The following SERHL2 variants were observed in gnomAD, a reference collection of about 807,000 sequenced individuals.
SERHL2 encodes serine hydrolase like 2, also known as serine hydrolase-like protein 2.
SERHL2 carries 29 observed loss-of-function variants against 25.5 expected under a neutral mutation model. That is an observed-to-expected ratio of 1.14 (90% CI 0.85 to 1.55). The LOEUF (loss-of-function observed/expected upper bound fraction) is 1.55, where lower values mean the gene tolerates loss of function less well. Among genes scored for constraint, SERHL2 ranks in the 40% most tolerant of loss-of-function variants. The pLI is 0.00. For missense variants in SERHL2, 240 were observed against 252.3 expected (o/e 0.95, Z 0.33); for synonymous variants, 95 against 103.5 (o/e 0.92, Z 0.50).
chr22:42,573,978 A>G lies in SERHL2; in HGVS notation c.868A>G (p.Met290Val), dbSNP rs1428734398. ...AGTCCCAGGCAATCACTGTGTCCACATGAGCGAACCCCAGCACGTGGCCAG... is the reference window on the plus strand; with the variant it reads ...AGTCCCAGGCAATCACTGTGTCCACGTGAGCGAACCCCAGCACGTGGCCAG... ...VEVPGNHCVH[M>V]SEPQHVASII... Residue 290 changes from methionine (M) to valine (V), a missense_variant, in exon 12 of 12, where the codon ATG (methionine) becomes GTG (valine). Physicochemically the swap from Met to Val is conservative, Grantham distance 21 (BLOSUM62 1). This residue lies in a region of SERHL2 where 212 missense variants were observed against 168.9 expected (regional missense o/e 1.25). Coordinates refer to ENST00000327678, the MANE Select transcript of SERHL2 (RefSeq NM_014509.5). 6.2e-7 allele frequency: 1 copy of G among 1,606,920 alleles called. No individual in the cohort carries two copies. The highest frequency in any genetic ancestry group is 1.7e-5 in the Admixed American group (1 of 59,534).
chr22:42,571,059 T>G (rs1924106201), intron 9 of SERHL2, 62 bp from the exon 10 acceptor site: 3 of 1,609,592 alleles, frequency 1.9e-6, no homozygotes, highest in Non-Finnish European at 2.5e-6. Context: ...AGAGATGGGT[T>G]TCGTGCCCAC....
rs1922157844 is a variant in SERHL2 at position 42,556,443 on chromosome 22, T to C, written c.349-71T>C. ...AAAGATGTTTCGGGGAACTCCAGGG[T>C]CCCCAGGGAAAGGCGGGAGTGTCCT... is the stretch of plus-strand genomic sequence containing the variant. On this transcript the variant is annotated intron_variant, in intron 5 of 11. Coordinates refer to ENST00000327678, the MANE Select transcript of SERHL2 (RefSeq NM_014509.5). 62 of 1,599,962 alleles carry C rather than the reference T, an allele frequency of 3.9e-5. 2 individuals are homozygous for C. Among genetic ancestry groups the C allele is most frequent in the Non-Finnish European group, 5.3e-5 (62 of 1,171,744 alleles).
chr22:42,565,655 A>G (rs1176343855), intron 8 of SERHL2, among the ~76,000 whole-genome samples: 1 of 150,900 alleles, frequency 6.6e-6, no homozygotes, highest in Non-Finnish European at 1.5e-5. Flanking sequence ...TTGTGTAGAG[A>G]TGGGGTCCTG....
At chr22:42,559,931 C>T (rs1265307922) in intron 7 of SERHL2, among the ~76,000 whole-genome samples, 5 of 151,874 alleles carry the variant, frequency 3.3e-5, no homozygotes, top group Non-Finnish European at 7.4e-5. Flanking sequence ...CATGCCTCAG[C>T]TTCCCAAGTA....
At position 42,560,173 on chromosome 22, in the gene SERHL2, T is replaced by C. The variant is rs1200415919; in HGVS notation, c.534-13T>C. On this transcript the variant is annotated splice_polypyrimidine_tract_variant and intron_variant, in intron 7 of 11. Coordinates refer to ENST00000327678, the MANE Select transcript of SERHL2 (RefSeq NM_014509.5). ...GGCCTCCAGGCACCCAGCATCCTTC[T>C]GTCTCCCCCCAGGTTACTGAAGAGC... The C allele has an allele frequency of 6.2e-7, 1 of 1,606,198 alleles. No individual in the cohort carries two copies. Among genetic ancestry groups the C allele is most frequent in the East Asian group, 2.2e-5 (1 of 44,850 alleles).
chr22:42,572,667 C>A, intron 11 of SERHL2, 138 bp downstream of exon 11: 1 of 1,429,076 alleles, frequency 7.0e-7, no homozygotes. Context: ...TCTATCAGGC[C>A]TCATGCTCCA....
chr22:42,565,382 G>C (rs1405124338), intron 8 of SERHL2: 1 of 151,098 alleles, frequency 6.6e-6, no homozygotes, highest in Non-Finnish European at 1.5e-5. Flanking sequence ...CTGGAATGCA[G>C]TGGCTCGATC....
At chr22:42,565,736 C>G (rs894417386) in intron 8 of SERHL2, among the ~76,000 whole-genome samples, 3 of 151,850 alleles carry the variant, frequency 2.0e-5, no homozygotes, top group Non-Finnish European at 2.9e-5. Flanking sequence ...TTACAGGTGC[C>G]TGACCTCCTG....
At chr22:42,556,480 C>G (rs879940881) in intron 5 of SERHL2, 34 bp from the exon 6 acceptor site, 1 of 1,610,974 alleles carries the variant, frequency 6.2e-7, no homozygotes, top group Non-Finnish European at 8.5e-7. Flanking sequence ...TCCTTCTTCC[C>G]CCTATTCATT....
chr22:42,564,821 A>G (rs975117546), intron 8 of SERHL2, among the ~76,000 whole-genome samples: 1 of 151,654 alleles, frequency 6.6e-6, no homozygotes, highest in African/African-American at 2.4e-5. Flanking sequence ...TTTTTGAGAC[A>G]GGGTCTTGCT....
At chr22:42,564,884 G>A (rs903566119) in intron 8 of SERHL2, among the ~76,000 whole-genome samples, 3 of 151,896 alleles carry the variant, frequency 2.0e-5, no homozygotes, top group African/African-American at 4.8e-5. Flanking sequence ...TGCAGCCTCT[G>A]CCTCCTGGGC....
chr22:42,563,190 CT>C (rs754138896), intron 8 of SERHL2, among the ~76,000 whole-genome samples: 351 of 97,860 alleles, frequency 3.6e-3, no homozygotes, highest in Admixed American at 3.9e-3. Flanking sequence ...TTCTTTTTTT[CT>C]TTTTTTTTTT....
At chr22:42,572,854 G>T in intron 11 of SERHL2, 2 of 388,994 alleles carry the variant, frequency 5.1e-6, no homozygotes, top group Non-Finnish European at 7.0e-6. Context: ...ATATTTTTAA[G>T]AGATGGGGTT....
rs958093928 is a variant in SERHL2, at chr22:42,571,454, G to C, written c.731+251G>C. The C allele has an allele frequency of 2.2e-6, 3 of 1,336,816 alleles. 1 individual carries two copies. The highest frequency in any genetic ancestry group is 6.7e-5 in the East Asian group (2 of 30,052). 82.8% of individuals were successfully genotyped at this position (1,336,816 alleles called of 1,614,324 possible). A position where few individuals can be genotyped will look rare whatever the true frequency, so the allele number is the denominator to read the frequency against. On this transcript the variant is annotated intron_variant, in intron 10 of 11. Transcript: ENST00000327678. ...GCCTTTCCACAGGTGTCAGCGGGGG[G>C]CATGCCCAGGTAAGGCTCCATAACC...
At chr22:42,569,345 G>C (rs1487428650) in intron 9 of SERHL2, 1 of 151,476 alleles carries the variant, frequency 6.6e-6, no homozygotes, top group African/African-American at 2.4e-5. Context: ...TGCAACTTCT[G>C]CCTCCCGGGT....
intron 11 of SERHL2, chr22:42,573,396 A>T (rs905567765): frequency 6.6e-6 from 1 of 152,614 alleles, no homozygotes; most frequent in South Asian, 2.1e-4. Context: ...GGCGCCCGCC[A>T]CCACGCCCGG....
At position 42,571,461 on chromosome 22, in the gene SERHL2, C is replaced by G. The variant is rs989494996; in HGVS notation, c.731+258C>G. ...CACAGGTGTCAGCGGGGGGCATGCCCAGGTAAGGCTCCATAACCAGTGAGC... is the reference window on the plus strand; with the variant it reads ...CACAGGTGTCAGCGGGGGGCATGCCGAGGTAAGGCTCCATAACCAGTGAGC... On this transcript the variant is annotated intron_variant, in intron 10 of 11. Transcript: ENST00000327678. The G allele has an allele frequency of 3.8e-6, 5 of 1,328,920 alleles. No homozygotes were observed. In the African/African-American group the frequency reaches 7.4e-5, roughly 20 times the overall value. The allele number at this position is 1,328,920 out of a possible 1,614,324, so 82.3% of individuals were successfully genotyped here.
intron 11 of SERHL2, chr22:42,573,555 C>A (rs1372311558): frequency 9.0e-6 from 2 of 222,924 alleles, no homozygotes; most frequent in Non-Finnish European, 8.9e-6. Flanking sequence ...CCACTGCGCC[C>A]GGCCCTGTCT....
chr22:42,570,004 T>A (rs1275495875), intron 9 of SERHL2: 1 of 152,066 alleles, frequency 6.6e-6, no homozygotes, highest in Non-Finnish European at 1.5e-5. Flanking sequence ...GTACTCCACG[T>A]GCTGAGAACT....
Sources: allele counts gnomAD v4.1 joint callset (sites outside exome capture counted in the v4.1 genomes callset), GRCh38; gene constraint gnomAD v4.1.1; regional missense constraint gnomAD v4.1.1; transcripts MANE v1.5; gene names NCBI Gene and HGNC (gene_info 2026-07-23, HGNC 2026-07-21).